MEMO1: variants seen among roughly 807,000 people sequenced by gnomAD.
The protein encoded by MEMO1 is mediator of cell motility 1, also known as protein MEMO1.
A neutral mutation model predicts 45.2 loss-of-function variants in MEMO1; 6 were observed. The observed-to-expected ratio is 0.13, with a 90% confidence interval of 0.07 to 0.26. MEMO1 has a LOEUF of 0.26. Among genes scored for constraint, MEMO1 ranks in the 10% least tolerant of loss-of-function variants. The pLI is 1.00. For synonymous variants in MEMO1, 78 were observed against 124.3 expected, an observed-to-expected ratio of 0.63 and a Z score of 2.48; for missense variants, 184 against 370.5, an observed-to-expected ratio of 0.50 and a Z score of 4.13.
At chr2:31,965,352 T>C (rs182914948) in intron 2 of MEMO1, among the ~76,000 whole-genome samples, 359 of 128,024 alleles carry the variant, frequency 2.8e-3, no homozygotes, top group African/African-American at 9.1e-3. Context: ...GTGAGTTCTG[T>C]GTCAAAGTAA....
At chr2:31,958,740 T>C (rs1245518565) in intron 2 of MEMO1, among the ~76,000 whole-genome samples, 1 of 152,168 alleles carries the variant, frequency 6.6e-6, no homozygotes, top group African/African-American at 2.4e-5. Flanking sequence ...CAACCTCCGC[T>C]TCCCTGGCTC....
chr2:31,984,040 G>C (rs1209426676), intron 2 of MEMO1, among the ~76,000 whole-genome samples: 1 of 152,192 alleles, frequency 6.6e-6, no homozygotes, highest in Non-Finnish European at 1.5e-5. Flanking sequence ...TTGAGTGGGG[G>C]AGGGGCAGAG....
intron 2 of MEMO1, among the ~76,000 whole-genome samples, chr2:31,968,193 G>A (rs189284376): frequency 6.6e-5 from 10 of 152,226 alleles, no homozygotes; most frequent in Non-Finnish European, 5.9e-5. Context: ...TTCTGGGAGC[G>A]TTCTCAAACC....
chr2:31,943,925 T>C (rs1558522588), intron 2 of MEMO1, among the ~76,000 whole-genome samples: 1 of 152,156 alleles, frequency 6.6e-6, no homozygotes, highest in Admixed American at 6.5e-5. Flanking sequence ...TTACTCAATA[T>C]ACTAATTTTT....
At chr2:31,895,329 A>G (rs2148007795) in intron 6 of MEMO1, among the ~76,000 whole-genome samples, 2 of 152,336 alleles carry the variant, frequency 1.3e-5, no homozygotes, top group East Asian at 3.9e-4. Flanking sequence ...GCAGACAAAA[A>G]CTTCAAAGGA....
chr2:31,980,292 G>A (rs374587111), intron 2 of MEMO1, among the ~76,000 whole-genome samples: 1 of 152,072 alleles, frequency 6.6e-6, no homozygotes, highest in Non-Finnish European at 1.5e-5. Flanking sequence ...AATTAGCTGG[G>A]CGTGGTGACA....
chr2:31,949,969 A>G (rs534331315), intron 2 of MEMO1, among the ~76,000 whole-genome samples: 2 of 152,344 alleles, frequency 1.3e-5, no homozygotes, highest in East Asian at 1.9e-4. Flanking sequence ...TGGGTGCACC[A>G]TTATTTTAAG....
chr2:31,868,260 A>G lies in MEMO1; in HGVS notation c.*101T>C, dbSNP rs1476949288. Reference sequence around the variant, plus strand: ...GAAAGTTCTATTAGTTTGAGGTTTCAGAATCCCCCCAAACCAGGACCAGTA... The same window carrying G: ...GAAAGTTCTATTAGTTTGAGGTTTCGGAATCCCCCCAAACCAGGACCAGTA... On this transcript the variant is annotated 3_prime_UTR_variant, in exon 10 of 10. Coordinates refer to ENST00000404530, the MANE Select transcript of MEMO1 (RefSeq NM_001301833.4). 8.0e-7 allele frequency: 1 copy of G among 1,244,952 alleles called. No homozygotes were observed. Among genetic ancestry groups the G allele is most frequent in the Non-Finnish European group, 1.0e-6 (1 of 975,708 alleles). The allele number at this position is 1,244,952 out of a possible 1,614,324, so 77.1% of individuals were successfully genotyped here.
chr2:31,881,809 C>T (rs1675423905), intron 8 of MEMO1, among the ~76,000 whole-genome samples: 1 of 151,896 alleles, frequency 6.6e-6, no homozygotes, highest in African/African-American at 2.4e-5. Flanking sequence ...CAAAACTAGC[C>T]TGGGCAATAA....
intron 8 of MEMO1, 29 bp downstream of exon 8, chr2:31,883,356 GC>G (rs776508703): frequency 2.1e-6 from 3 of 1,414,472 alleles, no homozygotes; most frequent in Admixed American, 4.1e-5. Context: ...AAGCCTTAGA[GC>G]ATTAAAATCC....
chr2:31,939,071 A>G lies in MEMO1; in HGVS notation c.143+4231T>C, dbSNP rs549725130. On this transcript the variant is annotated intron_variant, in intron 3 of 9. Transcript: ENST00000404530. ...AGTGCTGGGATTACAAGCATGAGCC[A>G]CTGCACCCAGTAACAATGAAAGATT... is the stretch of plus-strand genomic sequence containing the variant. Among the ~76,000 whole-genome samples the G allele has an allele frequency of 2.2e-4, 34 of 151,472 alleles. No individual in the cohort carries two copies. In the South Asian group the frequency reaches 7.1e-3, roughly 32 times the overall value.
intron 2 of MEMO1, among the ~76,000 whole-genome samples, chr2:31,980,106 T>C (rs954088430): frequency 1.3e-5 from 2 of 152,202 alleles, no homozygotes; most frequent in African/African-American, 4.8e-5. Flanking sequence ...GACTAAATTA[T>C]ATTGATGCCA....
At chr2:31,919,254 T>TC (rs1681918654) in intron 5 of MEMO1, among the ~76,000 whole-genome samples, 1 of 151,858 alleles carries the variant, frequency 6.6e-6, no homozygotes, top group Non-Finnish European at 1.5e-5. Context: ...GCTCAAGCCA[T>TC]CCTCCTACCT....
intron 2 of MEMO1, among the ~76,000 whole-genome samples, chr2:31,985,471 G>A (rs1452141835): frequency 5.9e-5 from 9 of 152,182 alleles, no homozygotes; most frequent in East Asian, 1.9e-4. Flanking sequence ...GATTACAGGC[G>A]AGCGCCACCA....
intron 6 of MEMO1, among the ~76,000 whole-genome samples, chr2:31,905,321 C>G (rs1679506413): frequency 6.6e-6 from 1 of 152,100 alleles, no homozygotes; most frequent in Admixed American, 6.6e-5. Flanking sequence ...GAAGGGTAAG[C>G]TAGCTGTCAA....
chr2:31,962,676 A>C (rs899568493), intron 2 of MEMO1, among the ~76,000 whole-genome samples: 3 of 152,208 alleles, frequency 2.0e-5, no homozygotes, highest in South Asian at 2.1e-4. Flanking sequence ...GAAAAGTATG[A>C]ATCTCAAAGT....
At chr2:31,995,736 T>C (rs1022542521) in intron 2 of MEMO1, among the ~76,000 whole-genome samples, 3 of 151,602 alleles carry the variant, frequency 2.0e-5, no homozygotes, top group African/African-American at 7.3e-5. Flanking sequence ...ATAATAAAGA[T>C]GAAAAATTTC....
intron 8 of MEMO1, among the ~76,000 whole-genome samples, chr2:31,878,713 C>T (rs948863027): frequency 5.9e-5 from 9 of 151,994 alleles, no homozygotes; most frequent in African/African-American, 2.2e-4. Flanking sequence ...AGACCATGTC[C>T]AGGAAGACTT....
At chr2:31,980,918 G>A (rs906240261) in intron 2 of MEMO1, among the ~76,000 whole-genome samples, 23 of 152,206 alleles carry the variant, frequency 1.5e-4, no homozygotes, top group African/African-American at 2.4e-5. Context: ...GGAAGAGCCA[G>A]CAGCCAATAC....
Sources: allele counts gnomAD v4.1 joint callset (sites outside exome capture counted in the v4.1 genomes callset), GRCh38; gene constraint gnomAD v4.1.1; transcripts MANE v1.5; gene names NCBI Gene and HGNC (gene_info 2026-07-23, HGNC 2026-07-21).